RYR2: variants seen among roughly 807,000 people sequenced by gnomAD.
The protein encoded by RYR2 is ryanodine receptor 2.
A neutral mutation model predicts 601.1 loss-of-function variants in RYR2; 227 were observed. That is an observed-to-expected ratio of 0.38 (90% CI 0.34 to 0.42). The LOEUF is 0.42. Ranked by LOEUF, RYR2 falls within the 10% of genes least tolerant of loss-of-function variation. RYR2 has a pLI of 1.00. For missense variants in RYR2, 4,646 were observed against 6,156.5 expected (o/e 0.75, Z 8.21); for synonymous variants, 2,223 against 2,175.1 (o/e 1.02, Z -0.61).
At chr1:237,689,387 AT>A (rs1184531251) in intron 63 of RYR2, among the ~76,000 whole-genome samples, 2 of 152,224 alleles carry the variant, frequency 1.3e-5, no homozygotes, top group African/African-American at 2.4e-5. Context: ...CCCCTGTGTC[AT>A]TTTTCAAATT....
chr1:237,573,231 T>TACACAC lies in RYR2; in HGVS notation c.3598+3933_3598+3938dup, dbSNP rs10556537. ...ATTATTATCTATGGAGATATACACA[T>TACACAC]ACACACACACACACACACACACACA... On this transcript the variant is annotated intron_variant, in intron 29 of 104. Transcript: ENST00000366574. Among the ~76,000 whole-genome samples, 57 of 148,918 alleles carry TACACAC rather than the reference T, an allele frequency of 3.8e-4. 1 individual carries two copies. Among genetic ancestry groups the TACACAC allele is most frequent in the African/African-American group, 1.4e-3 (55 of 40,400 alleles).
At chr1:237,704,780 A>T (rs1171853610) in intron 66 of RYR2, among the ~76,000 whole-genome samples, 1 of 152,258 alleles carries the variant, frequency 6.6e-6, no homozygotes, top group Non-Finnish European at 1.5e-5. Context: ...TGAAAAAAAT[A>T]GATATTTACA....
chr1:237,754,456 G>T (rs1692780060), intron 80 of RYR2, among the ~76,000 whole-genome samples: 1 of 152,172 alleles, frequency 6.6e-6, no homozygotes, highest in Non-Finnish European at 1.5e-5. Context: ...TCAAGAGTGT[G>T]TGGCATGTTG....
intron 3 of RYR2, among the ~76,000 whole-genome samples, chr1:237,351,019 T>C (rs1698796668): frequency 6.6e-6 from 1 of 152,084 alleles, no homozygotes; most frequent in Non-Finnish European, 1.5e-5. Context: ...ATGGAGGAAG[T>C]ATAAGCAAAT....
intron 85 of RYR2, 143 bp downstream of exon 85, chr1:237,771,030 T>C (rs745578401): frequency 5.6e-5 from 26 of 466,916 alleles, no homozygotes; most frequent in Middle Eastern, 1.1e-3. Flanking sequence ...CATTGGGAAC[T>C]GGGACGTTTT....
rs71178397 is a variant in RYR2 at position 237,148,553 on chromosome 1, T to TATACATAC, written c.48+105985_48+105986insTACATACA. Among the ~76,000 whole-genome samples, 512 of 105,680 alleles carry TATACATAC rather than the reference T, an allele frequency of 4.8e-3. 9 individuals carry two copies. Among genetic ancestry groups the TATACATAC allele is most frequent in the African/African-American group, 0.02 (491 of 25,008 alleles). 69.3% of individuals were successfully genotyped at this position (105,680 alleles called of 152,430 possible). On this transcript the variant is annotated intron_variant, in intron 1 of 104. Coordinates refer to ENST00000366574, the MANE Select transcript of RYR2 (RefSeq NM_001035.3). ...ATATATATATATATATATATATATA[T>TATACATAC]ACACACACACATATATATATATATA...
chr1:237,146,250 C>A (rs566260749), intron 1 of RYR2, among the ~76,000 whole-genome samples: 1 of 152,264 alleles, frequency 6.6e-6, no homozygotes, highest in African/African-American at 2.4e-5. Context: ...AACCTTACTT[C>A]GTTGATTCCA....
rs1431223559 is a variant in RYR2, at chr1:237,593,598, A to G, written c.4398A>G (p.Thr1466=). ...ACTTGGACAGAGTTCGCACAGTAACAGTTACTCTAGGAGATGAAAAAGGAA... is the reference window on the plus strand; with the variant it reads ...ACTTGGACAGAGTTCGCACAGTAACGGTTACTCTAGGAGATGAAAAAGGAA... ...GFDLDRVRTV[T]VTLGDEKGKV... The change falls in exon 33 of 105, where the codon ACA becomes ACG. Residue 1466 remains threonine, a synonymous_variant. Transcript: ENST00000366574. 1.2e-6 allele frequency: 2 copies of G among 1,613,772 alleles called. No individual in the cohort carries two copies. The highest frequency in any genetic ancestry group is 1.7e-6 in the Non-Finnish European group (2 of 1,179,846).
At chr1:237,487,726 C>T (rs916881991) in intron 17 of RYR2, among the ~76,000 whole-genome samples, 1 of 149,768 alleles carries the variant, frequency 6.7e-6, no homozygotes, top group South Asian at 2.1e-4. Flanking sequence ...AAGCAAGATC[C>T]TATCTCAAAA....
At chr1:237,196,585 T>C (rs528239783) in intron 1 of RYR2, among the ~76,000 whole-genome samples, 1 of 152,312 alleles carries the variant, frequency 6.6e-6, no homozygotes, top group South Asian at 2.1e-4. Flanking sequence ...TTATTTTATA[T>C]GTCAGCTCTG....
At chr1:237,339,432 A>C (rs1249800994) in intron 3 of RYR2, among the ~76,000 whole-genome samples, 1 of 152,094 alleles carries the variant, frequency 6.6e-6, no homozygotes, top group East Asian at 1.9e-4. Context: ...GAAATGTTTT[A>C]TTTTTATAAC....
At chr1:237,722,109 AG>A (rs772249268) in intron 73 of RYR2, among the ~76,000 whole-genome samples, 196 of 152,332 alleles carry the variant, frequency 1.3e-3, no homozygotes, top group Non-Finnish European at 2.3e-3. Context: ...AAATATTTAT[AG>A]GTAAATGCTA....
At chr1:237,668,572 T>C (rs1422094657) in intron 58 of RYR2, among the ~76,000 whole-genome samples, 1 of 152,270 alleles carries the variant, frequency 6.6e-6, no homozygotes, top group African/African-American at 2.4e-5. Context: ...CTGTCGTTAA[T>C]GACTTCCTAT....
rs572040459 is a variant in RYR2, at chr1:237,407,741, A to G, written c.774-9308A>G. Among the ~76,000 whole-genome samples, 33 of 151,298 alleles carry G rather than the reference A, an allele frequency of 2.2e-4. 1 individual carries two copies. The South Asian group carries it at 6.7e-3, about 31-fold the overall frequency. ...ACGCCATTCTCCTGCCTCAGCCTCC[A>G]GAGTAGCTATGACTACAGGTGCCCA... On this transcript the variant is annotated intron_variant, in intron 10 of 104. Coordinates refer to ENST00000366574, the MANE Select transcript of RYR2 (RefSeq NM_001035.3).
At chr1:237,588,156 A>G (rs1572988892) in intron 29 of RYR2, among the ~76,000 whole-genome samples, 1 of 152,206 alleles carries the variant, frequency 6.6e-6, no homozygotes, top group Non-Finnish European at 1.5e-5. Context: ...TTTTAACTAG[A>G]AACTCATCAT....
intron 12 of RYR2, among the ~76,000 whole-genome samples, chr1:237,436,923 T>C (rs918836401): frequency 4.6e-5 from 7 of 151,370 alleles, no homozygotes; most frequent in African/African-American, 1.7e-4. Context: ...AGGCCACAGT[T>C]CTTCAGAAAT....
intron 63 of RYR2, 123 bp downstream of exon 63, chr1:237,687,627 T>C: frequency 1.3e-6 from 1 of 758,256 alleles, no homozygotes; most frequent in Non-Finnish European, 2.3e-6. Context: ...TGCATGGTCG[T>C]TGCAGGCCAA....
intron 2 of RYR2, among the ~76,000 whole-genome samples, chr1:237,274,611 T>C (rs1384055716): frequency 6.6e-6 from 1 of 152,140 alleles, no homozygotes; most frequent in African/African-American, 2.4e-5. Context: ...AAAATAAATT[T>C]AGTGCAGCCT....
At chr1:237,330,124 GA>G (rs1256321264) in intron 2 of RYR2, among the ~76,000 whole-genome samples, 1 of 152,162 alleles carries the variant, frequency 6.6e-6, no homozygotes, top group Non-Finnish European at 1.5e-5. Context: ...TGGTAAGTTA[GA>G]AATGAATGTA....
Sources: gnomAD v4.1 joint callset for allele counts (sites outside exome capture counted in the v4.1 genomes callset) on GRCh38, gnomAD v4.1.1 for gene constraint, MANE v1.5 for transcripts, NCBI Gene and HGNC (gene_info 2026-07-23, HGNC 2026-07-21) for gene names.